Variants in DPP6 observed in about 807,000 individuals in gnomAD.
DPP6 encodes A-type potassium channel modulatory protein DPP6.
In DPP6, 69 loss-of-function variants were observed where a neutral mutation model predicts 122.6. The observed-to-expected ratio is 0.56, with a 90% CI of 0.46 to 0.69. The LOEUF (loss-of-function observed/expected upper bound fraction) is 0.69, where lower values mean the gene tolerates loss of function less well. DPP6 is among the 30% of genes least tolerant of loss of function. The pLI, the probability that DPP6 is intolerant of heterozygous loss-of-function variation, is 0.00. For synonymous variants in DPP6, 418 were observed against 433.1 expected, an observed-to-expected ratio of 0.97 and a Z score of 0.43; for missense variants, 928 against 1,116.9, an observed-to-expected ratio of 0.83 and a Z score of 2.41.
chr7:154,809,627 G>A (rs1402783425), intron 16 of DPP6, among the ~76,000 whole-genome samples: 1 of 152,186 alleles, frequency 6.6e-6, no homozygotes, highest in African/African-American at 2.4e-5. Context: ...CATAGAATGG[G>A]AAAAGAAAGG....
At chr7:154,479,570 A>AAAAAAAAAG (rs572938567) in intron 3 of DPP6, among the ~76,000 whole-genome samples, 1,965 of 101,382 alleles carry the variant, frequency 0.019, 66 homozygotes, top group African/African-American at 0.061. Flanking sequence ...AAAAAAAAAA[A>AAAAAAAAAG]AAAAGAAAAG....
Position 153,890,813 on chromosome 7 carries a change from C to G in DPP6, c.51+3079C>G, listed in dbSNP as rs1328703694. Among the ~76,000 whole-genome samples the G allele has an allele frequency of 2.0e-5, 3 of 146,404 alleles. 1 individual carries two copies. The highest frequency in any genetic ancestry group is 2.2e-4 in the South Asian group (1 of 4,576). On this transcript the variant is annotated intron_variant, in intron 1 of 25. Transcript: ENST00000404039. ...TCAAGCCATTCTCCTGCCTCAGCCT[C>G]TCGAGTAGCTGGGGACTACAGGCGT... is the stretch of plus-strand genomic sequence containing the variant.
chr7:154,543,722 G>A lies in DPP6; in HGVS notation c.552+3096G>A, dbSNP rs148810482. On this transcript the variant is annotated intron_variant, in intron 4 of 25. Coordinates refer to ENST00000377770, the MANE Select transcript of DPP6 (RefSeq NM_130797.4). ...AGATTGTTGAGTTCAGACCAGGTGC[G>A]GTGGTTCATGCCTGTAATTCCAGCA... 2.4e-3 allele frequency among the ~76,000 whole-genome samples: 372 copies of A among 152,184 alleles called. 1 individual carries two copies. The highest frequency in any genetic ancestry group is 8.7e-3 in the African/African-American group (360 of 41,532).
At chr7:154,734,830 A>G (rs1842501116) in intron 8 of DPP6, among the ~76,000 whole-genome samples, 1 of 152,226 alleles carries the variant, frequency 6.6e-6, no homozygotes, top group Non-Finnish European at 1.5e-5. Context: ...CCTTGTCTGC[A>G]AAACAAAGAT....
intron 1 of DPP6, among the ~76,000 whole-genome samples, chr7:154,377,644 C>T (rs1813240522): frequency 6.6e-6 from 1 of 152,164 alleles, no homozygotes; most frequent in South Asian, 2.1e-4. Flanking sequence ...CTCTCTCACC[C>T]TCCTGCTTCA....
At chr7:154,173,941 C>G (rs1425841947) in intron 1 of DPP6, among the ~76,000 whole-genome samples, 2 of 152,216 alleles carry the variant, frequency 1.3e-5, no homozygotes, top group African/African-American at 4.8e-5. Flanking sequence ...TCCTGGGCAC[C>G]TGTGCAGTTC....
chr7:153,894,137 A>C (rs985115014), intron 1 of DPP6, among the ~76,000 whole-genome samples: 1 of 152,166 alleles, frequency 6.6e-6, no homozygotes, highest in Non-Finnish European at 1.5e-5. Context: ...CTTCTTGGGG[A>C]CTGCCCTGTG....
chr7:154,257,955 C>A (rs1038529567), intron 1 of DPP6, among the ~76,000 whole-genome samples: 4 of 152,186 alleles, frequency 2.6e-5, no homozygotes, highest in African/African-American at 9.7e-5. Flanking sequence ...CTTTTCCTCT[C>A]CTTTGTCCCC....
At chr7:154,437,113 T>C (rs1220237055) in intron 1 of DPP6, among the ~76,000 whole-genome samples, 1 of 152,198 alleles carries the variant, frequency 6.6e-6, no homozygotes, top group Non-Finnish European at 1.5e-5. Flanking sequence ...TATGTTAGCT[T>C]CCCTGACAAA....
At chr7:154,852,145 A>G (rs987803108) in intron 16 of DPP6, among the ~76,000 whole-genome samples, 3 of 152,196 alleles carry the variant, frequency 2.0e-5, no homozygotes, top group Non-Finnish European at 4.4e-5. Flanking sequence ...AGCCCTCAGC[A>G]TGGTGGGATC....
At chr7:154,061,323 C>T (rs1801835678) in intron 1 of DPP6, among the ~76,000 whole-genome samples, 1 of 148,174 alleles carries the variant, frequency 6.7e-6, no homozygotes, top group Non-Finnish European at 1.5e-5. Context: ...CCTGGGGCTA[C>T]CCGATCTGAC....
intron 8 of DPP6, among the ~76,000 whole-genome samples, chr7:154,751,313 A>T (rs947469729): frequency 2.6e-5 from 4 of 152,094 alleles, no homozygotes; most frequent in African/African-American, 9.7e-5. Context: ...ATCGATAAGG[A>T]AAACTGGCCG....
intron 8 of DPP6, among the ~76,000 whole-genome samples, chr7:154,758,671 C>A (rs1182741544): frequency 6.6e-6 from 1 of 152,136 alleles, no homozygotes; most frequent in African/African-American, 2.4e-5. Context: ...TGCACCTGGC[C>A]AAAATACAGA....
At chr7:154,062,313 C>G (rs1585283083) in intron 1 of DPP6, among the ~76,000 whole-genome samples, 1 of 76,146 alleles carries the variant, frequency 1.3e-5, no homozygotes, top group Non-Finnish European at 2.7e-5. Context: ...TCTGAGGACC[C>G]CCATCGCAGG....
intron 8 of DPP6, among the ~76,000 whole-genome samples, 152 bp from the exon 9 acceptor site, chr7:154,769,265 C>T (rs1261685543): frequency 2.0e-5 from 3 of 152,164 alleles, no homozygotes; most frequent in Non-Finnish European, 4.4e-5. Flanking sequence ...GAAGCATGTG[C>T]AGAACACAGT....
At chr7:154,583,276 G>A (rs953919368) in intron 5 of DPP6, among the ~76,000 whole-genome samples, 1 of 152,226 alleles carries the variant, frequency 6.6e-6, no homozygotes, top group African/African-American at 2.4e-5. Flanking sequence ...TCGGTTTCTG[G>A]TGACGGCTCA....
chr7:153,864,581 C>A, the DPP6 span, among the ~76,000 whole-genome samples: 3 of 151,796 alleles, frequency 2.0e-5, no homozygotes, highest in African/African-American at 7.3e-5. Context: ...TGCTTGAACC[C>A]AGGAGGCAGA....
At chr7:154,637,963 G>A in intron 6 of DPP6, 90 bp downstream of exon 6, 3 of 1,405,138 alleles carry the variant, frequency 2.1e-6, no homozygotes, top group Non-Finnish European at 2.9e-6. Flanking sequence ...CCTTAGGGCG[G>A]GAAATGGCGT....
intron 1 of DPP6, among the ~76,000 whole-genome samples, chr7:154,383,628 G>A (rs914856576): frequency 3.3e-5 from 5 of 152,230 alleles, no homozygotes; most frequent in South Asian, 4.2e-4. Context: ...AGTGGCTCAC[G>A]CCTGTAATCC....
Sources: allele counts gnomAD v4.1 joint callset (sites outside exome capture counted in the v4.1 genomes callset), GRCh38; gene constraint gnomAD v4.1.1; transcripts MANE v1.5; gene names NCBI Gene and HGNC (gene_info 2026-07-23, HGNC 2026-07-21).